Variants in PLD5 observed in about 807,000 individuals in gnomAD.
PLD5 encodes phospholipase D family member 5, also known as inactive phospholipase D5.
A neutral mutation model predicts 61.1 loss-of-function variants in PLD5; 36 were observed. That is an observed-to-expected ratio of 0.59 (90% confidence interval 0.45 to 0.78). The LOEUF is 0.78. Ranked by LOEUF, PLD5 falls within the 30% of genes least tolerant of loss-of-function variation. The pLI, the probability that PLD5 is intolerant of heterozygous loss-of-function variation, is 0.00. For synonymous variants in PLD5, 243 were observed against 242.8 expected (o/e 1.00, Z -0.01); for missense variants, 515 against 644.4 (o/e 0.80, Z 2.17).
intron 4 of PLD5, among the ~76,000 whole-genome samples, chr1:242,238,260 CAAT>C (rs1160362516): frequency 6.6e-6 from 1 of 152,176 alleles, no homozygotes. Context: ...GTCCTGAAAA[CAAT>C]AAAACACCTA....
chr1:242,377,232 T>C (rs1662018393), intron 1 of PLD5: 2 of 1,611,332 alleles, frequency 1.2e-6, no homozygotes, highest in South Asian at 1.1e-5. Context: ...GGAAGAACCA[T>C]CCGATTTGTG....
At chr1:242,181,824 G>C (rs901144798) in intron 5 of PLD5, among the ~76,000 whole-genome samples, 1 of 152,038 alleles carries the variant, frequency 6.6e-6, no homozygotes, top group African/African-American at 2.4e-5. Flanking sequence ...TGTATTTTTA[G>C]TAGAGATGGG....
intron 5 of PLD5, among the ~76,000 whole-genome samples, chr1:242,130,306 C>T (rs1663135447): frequency 6.6e-6 from 1 of 152,180 alleles, no homozygotes; most frequent in South Asian, 2.1e-4. Context: ...CCCGCCTTGG[C>T]CTCCCAAAGT....
At chr1:242,255,488 G>T (rs1276643967) in intron 4 of PLD5, among the ~76,000 whole-genome samples, 15 of 152,150 alleles carry the variant, frequency 9.9e-5, no homozygotes, top group East Asian at 7.7e-4. Flanking sequence ...AAAAAATTAC[G>T]CATGCTCTAA....
Position 242,101,851 on chromosome 1 carries a change from T to C in PLD5, c.1240-1069A>G, listed in dbSNP as rs538158710. Among the ~76,000 whole-genome samples the C allele has an allele frequency of 9.1e-4, 139 of 152,322 alleles. No individual in the cohort carries two copies. In the South Asian group the frequency reaches 9.3e-3, roughly 10 times the overall value. On this transcript the variant is annotated intron_variant, in intron 8 of 9. Transcript: ENST00000536534. Reference sequence around the variant, plus strand: ...TCTAGCCACAAAAGTTCTATTTTGATTTTTTGTAAAACCCTTGAGGTCCAC... The same window carrying C: ...TCTAGCCACAAAAGTTCTATTTTGACTTTTTGTAAAACCCTTGAGGTCCAC...
In PLD5 at chr1:242,113,943, A is replaced by G. The variant is rs1203070372; in HGVS notation, c.1017T>C (p.Tyr339=). The change falls in exon 7 of 10, where the codon TAT becomes TAC. Residue 339 remains tyrosine, a synonymous_variant. Transcript: ENST00000536534. ...GGTAGTCCATGACAGCGATGTACAC[A>G]TACTGCTTGGCATCATCTATCACAC... The part of the protein sequence containing the change: ...IYSVIDDAKQ[Y]VYIAVMDYLP... 2 of 1,614,118 alleles carry G rather than the reference A, an allele frequency of 1.2e-6. No individual in the cohort carries two copies. The highest frequency in any genetic ancestry group is 1.7e-6 in the Non-Finnish European group (2 of 1,179,998).
At chr1:242,310,225 C>G (rs565920648) in intron 2 of PLD5, among the ~76,000 whole-genome samples, 3 of 152,122 alleles carry the variant, frequency 2.0e-5, no homozygotes, top group Non-Finnish European at 4.4e-5. Context: ...TAAACACACA[C>G]GCTGAGAGCA....
chr1:242,413,014 T>A (rs565207896), intron 1 of PLD5, among the ~76,000 whole-genome samples: 2 of 152,154 alleles, frequency 1.3e-5, no homozygotes, highest in Non-Finnish European at 1.5e-5. Context: ...CTGGTGGGTG[T>A]GTAGTGATTT....
intron 1 of PLD5, among the ~76,000 whole-genome samples, chr1:242,412,431 T>G (rs545097311): frequency 9.2e-5 from 14 of 152,338 alleles, no homozygotes; most frequent in African/African-American, 3.4e-4. Flanking sequence ...TAAGAAAAAG[T>G]AGCACAGGGA....
At chr1:242,273,018 C>A (rs1156757834) in intron 3 of PLD5, among the ~76,000 whole-genome samples, 2 of 152,082 alleles carry the variant, frequency 1.3e-5, no homozygotes, top group Non-Finnish European at 2.9e-5. Context: ...GTCAACCCAT[C>A]ATCTGGGTTT....
intron 1 of PLD5, among the ~76,000 whole-genome samples, chr1:242,419,860 G>C (rs1330414278): frequency 6.6e-6 from 1 of 152,164 alleles, no homozygotes; most frequent in African/African-American, 2.4e-5. Flanking sequence ...TCACACCACT[G>C]TATGAGACTT....
intron 1 of PLD5, among the ~76,000 whole-genome samples, chr1:242,379,424 G>T (rs538806485): frequency 1.3e-5 from 2 of 152,190 alleles, no homozygotes; most frequent in South Asian, 4.2e-4. Context: ...GTATAAATTT[G>T]GGAATGGGGG....
At chr1:242,288,232 T>C (rs1467546839) in intron 3 of PLD5, 130 bp downstream of exon 3, 2 of 1,270,060 alleles carry the variant, frequency 1.6e-6, no homozygotes, top group Admixed American at 2.8e-5. Context: ...AATGTAATAA[T>C]GTACATGTAC....
At chr1:242,181,666 T>C (rs1667527010) in intron 5 of PLD5, among the ~76,000 whole-genome samples, 1 of 133,536 alleles carries the variant, frequency 7.5e-6, no homozygotes, top group African/African-American at 2.9e-5. Flanking sequence ...GGTTTTTTTT[T>C]GTTTTGTTTT....
At chr1:242,429,735 G>T (rs571118977) in intron 1 of PLD5, among the ~76,000 whole-genome samples, 4 of 152,228 alleles carry the variant, frequency 2.6e-5, no homozygotes, top group African/African-American at 9.6e-5. Flanking sequence ...TCCTTCTGTG[G>T]GTTTAAATCA....
At chr1:242,468,189 T>G (rs1337452604) in intron 1 of PLD5, among the ~76,000 whole-genome samples, 1 of 152,206 alleles carries the variant, frequency 6.6e-6, no homozygotes, top group Non-Finnish European at 1.5e-5. Context: ...CATAGTGATT[T>G]ATTGACTTTA....
At chr1:242,340,094 A>G (rs569737173) in intron 2 of PLD5, among the ~76,000 whole-genome samples, 1 of 152,308 alleles carries the variant, frequency 6.6e-6, no homozygotes, top group South Asian at 2.1e-4. Flanking sequence ...AAATGGGGAA[A>G]CTAGGAGAGG....
At chr1:242,142,217 G>A (rs1456163538) in intron 5 of PLD5, among the ~76,000 whole-genome samples, 18 of 152,172 alleles carry the variant, frequency 1.2e-4, no homozygotes, top group Admixed American at 1.2e-3. Flanking sequence ...AATGCCACCT[G>A]TACTCCAGAA....
intron 1 of PLD5, among the ~76,000 whole-genome samples, chr1:242,385,983 G>A (rs1662576270): frequency 6.6e-6 from 1 of 152,178 alleles, no homozygotes; most frequent in Non-Finnish European, 1.5e-5. Flanking sequence ...CCAAGGCATT[G>A]ACCAGGTTGC....
Sources: gnomAD v4.1 joint callset for allele counts (sites outside exome capture counted in the v4.1 genomes callset) on GRCh38, gnomAD v4.1.1 for gene constraint, MANE v1.5 for transcripts, NCBI Gene and HGNC (gene_info 2026-07-23, HGNC 2026-07-21) for gene names.